The following WNK1 variants were observed in gnomAD, a reference collection of about 807,000 sequenced individuals.
WNK1 encodes WNK lysine deficient protein kinase 1, also known as serine/threonine-protein kinase WNK1.
A neutral mutation model predicts 222.8 loss-of-function variants in WNK1; 38 were observed. The observed-to-expected ratio is 0.17, with a 90% CI of 0.13 to 0.22. The LOEUF (loss-of-function observed/expected upper bound fraction) is 0.22, where lower values mean the gene tolerates loss of function less well. WNK1 is among the 10% of genes least tolerant of loss of function. WNK1 has a pLI of 1.00. For missense variants in WNK1, 2,348 were observed against 2,918.4 expected (o/e 0.80, Z 4.50); for synonymous variants, 1,090 against 1,092.9 (o/e 1.00, Z 0.05).
At chr12:868,636 T>G in intron 8 of WNK1, 1 of 1,614,024 alleles carries the variant, frequency 6.2e-7, no homozygotes, top group East Asian at 2.2e-5. Flanking sequence ...TTGAATTTCA[T>G]GTTCACACAC....
intron 1 of WNK1, among the ~76,000 whole-genome samples, chr12:769,997 G>T (rs187296501): frequency 1.3e-5 from 2 of 151,224 alleles, no homozygotes; most frequent in African/African-American, 4.9e-5. Context: ...TTTTGAGACG[G>T]AGTTTCACTC....
intron 26 of WNK1, chr12:901,701 G>A: frequency 9.2e-7 from 1 of 1,091,738 alleles, no homozygotes; most frequent in Non-Finnish European, 1.2e-6. Flanking sequence ...TCTGCTGCTT[G>A]GATCTGATGT....
intron 3 of WNK1, among the ~76,000 whole-genome samples, chr12:828,211 C>T (rs1283859567): frequency 1.3e-5 from 2 of 151,654 alleles, no homozygotes; most frequent in Non-Finnish European, 2.9e-5. Flanking sequence ...GAGGCTGAGG[C>T]AGGAGAATCA....
chr12:793,187 A>T (rs1278804049), intron 1 of WNK1, among the ~76,000 whole-genome samples: 1 of 152,208 alleles, frequency 6.6e-6, no homozygotes, highest in African/African-American at 2.4e-5. Flanking sequence ...AGTAAAAATG[A>T]CTGTTACCAA....
rs1384525520 is a variant in WNK1 at position 882,990 on chromosome 12, T to C, written c.3420T>C (p.His1140=). The change falls in exon 15 of 28, where the codon CAT becomes CAC. Residue 1140 remains histidine (H), a synonymous_variant. Coordinates refer to ENST00000315939, the MANE Select transcript of WNK1 (RefSeq NM_018979.4). ...DRVVECQLET[H]NRKMVTFKFD... ...TAGTAGAATGTCAATTAGAGACTCA[T>C]AATAGGAAAATGGTTACATTCAAAT... The C allele has an allele frequency of 6.2e-7, 1 of 1,613,868 alleles. No homozygotes were observed. The highest frequency in any genetic ancestry group is 2.2e-5 in the East Asian group (1 of 44,840).
At chr12:766,901 C>T (rs1317811048) in intron 1 of WNK1, among the ~76,000 whole-genome samples, 1 of 152,014 alleles carries the variant, frequency 6.6e-6, no homozygotes, top group African/African-American at 2.4e-5. Flanking sequence ...CTCAGCCTCC[C>T]AAGCAGCTGG....
chr12:773,531 A>G (rs1942776822), intron 1 of WNK1, among the ~76,000 whole-genome samples: 1 of 152,224 alleles, frequency 6.6e-6, no homozygotes, highest in Admixed American at 6.5e-5. Context: ...AAAACAAGGA[A>G]AAATAAAAAC....
intron 1 of WNK1, among the ~76,000 whole-genome samples, chr12:771,623 C>A (rs950005652): frequency 6.6e-6 from 1 of 151,928 alleles, no homozygotes; most frequent in Non-Finnish European, 1.5e-5. Context: ...TTAGTAGAGA[C>A]ACGGTTTCAC....
At chr12:871,948 T>C (rs1483972164) in intron 9 of WNK1, among the ~76,000 whole-genome samples, 2 of 152,178 alleles carry the variant, frequency 1.3e-5, no homozygotes, top group Admixed American at 6.5e-5. Flanking sequence ...GTCATTCCTT[T>C]TCTCTTTTTT....
intron 1 of WNK1, among the ~76,000 whole-genome samples, chr12:767,123 C>T (rs1299720544): frequency 6.6e-6 from 1 of 151,278 alleles, no homozygotes; most frequent in African/African-American, 2.4e-5. Context: ...CAAACAGGTT[C>T]ATGCTCTCTT....
At position 903,303 on chromosome 12, in the gene WNK1, G is replaced by A. The variant is rs575899939; in HGVS notation, c.6643+2633G>A. On this transcript the variant is annotated intron_variant, in intron 26 of 27. Coordinates refer to ENST00000315939, the MANE Select transcript of WNK1 (RefSeq NM_018979.4). ...GTGGAAGGCATTACCCAATTCGATC[G>A]TTTTCCAGGCTTGTGTGATTTTTTT... Among the ~76,000 whole-genome samples the A allele has an allele frequency of 1.3e-4, 20 of 152,134 alleles. No individual in the cohort carries two copies. In the South Asian group the frequency reaches 4.2e-3, roughly 32 times the overall value.
chr12:869,144 C>A, intron 8 of WNK1: 1 of 1,605,882 alleles, frequency 6.2e-7, no homozygotes, highest in Non-Finnish European at 8.5e-7. Context: ...AACTACCCTA[C>A]TTTGCACCAT....
In WNK1 at chr12:765,511, G is replaced by C. The variant is rs1379971008; in HGVS notation, c.759+11187G>C. On this transcript the variant is annotated intron_variant, in intron 1 of 27. Coordinates refer to ENST00000315939, the MANE Select transcript of WNK1 (RefSeq NM_018979.4). ...GCAGTGAGGCTTGATCATGCCACTTGCACTTCAGCCTAGGTGACAGAGCTA... is the reference window on the plus strand; with the variant it reads ...GCAGTGAGGCTTGATCATGCCACTTCCACTTCAGCCTAGGTGACAGAGCTA... Among the ~76,000 whole-genome samples, 2 of 133,026 alleles carry C rather than the reference G, an allele frequency of 1.5e-5. 1 individual carries two copies. Among genetic ancestry groups the C allele is most frequent in the Non-Finnish European group, 3.5e-5 (2 of 57,714 alleles). 87.3% of individuals were successfully genotyped at this position (133,026 alleles called of 152,430 possible). A position where few individuals can be genotyped will look rare whatever the true frequency, so the allele number is the denominator to read the frequency against.
chr12:907,688 T>C lies in WNK1; in HGVS notation c.6644-159T>C, dbSNP rs1299592998. On this transcript the variant is annotated intron_variant, in intron 26 of 27. Transcript: ENST00000315939. ...CATCACCCTATTATACCAAAACAAA[T>C]GGCTAAACAAAACCTTGGAATCTTC... 7 of 890,962 alleles carry C rather than the reference T, an allele frequency of 7.9e-6. No individual in the cohort carries two copies. In the African/African-American group the frequency reaches 8.7e-5, roughly 11 times the overall value. 55.2% of individuals were successfully genotyped at this position (890,962 alleles called of 1,614,324 possible).
At chr12:774,832 G>A (rs1248600528) in intron 1 of WNK1, among the ~76,000 whole-genome samples, 6 of 151,934 alleles carry the variant, frequency 3.9e-5, no homozygotes, top group Admixed American at 3.9e-4. Context: ...TTCCTCTTTT[G>A]TCTTTTGTTA....
intron 10 of WNK1, 128 bp from the exon 11 acceptor site, chr12:879,445 T>G: frequency 7.4e-6 from 5 of 678,354 alleles, no homozygotes; most frequent in Non-Finnish European, 9.5e-6. Flanking sequence ...GTTGGTTTGG[T>G]GTTTTTTTTT....
At chr12:875,887 T>C (rs1952564673) in intron 9 of WNK1, among the ~76,000 whole-genome samples, 1 of 152,240 alleles carries the variant, frequency 6.6e-6, no homozygotes, top group South Asian at 2.1e-4. Flanking sequence ...AGTTAGATAA[T>C]TATAGATATC....
Position 910,632 on chromosome 12 carries a change from T to C in WNK1, c.*1840T>C, listed in dbSNP as rs1268673221. On this transcript the variant is annotated 3_prime_UTR_variant, in exon 28 of 28. Coordinates refer to ENST00000315939, the MANE Select transcript of WNK1 (RefSeq NM_018979.4). ...TCTTAATTTTGGGGTGCTTCTTGAC[T>C]CTTAGTTGGGAAACTGAAAATATTT... The C allele has an allele frequency of 6.6e-6, 1 of 152,222 alleles. No individual in the cohort carries two copies. Among genetic ancestry groups the C allele is most frequent in the African/African-American group, 2.4e-5 (1 of 41,440 alleles). The allele number at this position is 152,222 out of a possible 1,614,324, so 9.4% of individuals were successfully genotyped here.
intron 2 of WNK1, among the ~76,000 whole-genome samples, chr12:818,707 T>A (rs774877461): frequency 6.6e-6 from 1 of 152,260 alleles, no homozygotes; most frequent in Non-Finnish European, 1.5e-5. Context: ...ATATGTCCTA[T>A]AAATAGACTC....
Sources: gnomAD v4.1 joint callset for allele counts (sites outside exome capture counted in the v4.1 genomes callset) on GRCh38, gnomAD v4.1.1 for gene constraint, MANE v1.5 for transcripts, NCBI Gene and HGNC (gene_info 2026-07-23, HGNC 2026-07-21) for gene names.